Variants in COL12A1 observed in about 807,000 individuals in gnomAD.
COL12A1 encodes collagen alpha-1(XII) chain.
Under a neutral mutation model 349.7 loss-of-function variants are expected in COL12A1, and 114 were observed. That is an observed-to-expected ratio of 0.33 (90% CI 0.28 to 0.38). The LOEUF (loss-of-function observed/expected upper bound fraction) is 0.38. Among genes scored for constraint, COL12A1 ranks in the 10% least tolerant of loss-of-function variants. The probability of loss-of-function intolerance (pLI) is 1.00; values close to 1 mark genes in which losing one functional copy is unlikely to be tolerated. For synonymous variants in COL12A1, 1,369 were observed against 1,329.0 expected, an observed-to-expected ratio of 1.03 and a Z score of -0.66; for missense variants, 3,284 against 3,756.9, an observed-to-expected ratio of 0.87 and a Z score of 3.29.
chr6:75,134,611 A>G (rs926663566), intron 32 of COL12A1, 115 bp downstream of exon 32: 33 of 938,088 alleles, frequency 3.5e-5, no homozygotes, highest in Non-Finnish European at 4.5e-5. Flanking sequence ...TTATTTCTAA[A>G]TGAATTTTTA....
intron 31 of COL12A1, among the ~76,000 whole-genome samples, chr6:75,135,800 G>T (rs1359201725): frequency 6.6e-6 from 1 of 152,108 alleles, no homozygotes; most frequent in East Asian, 1.9e-4. Context: ...TCATATTTGA[G>T]GTTATGAGAG....
intron 2 of COL12A1, among the ~76,000 whole-genome samples, chr6:75,199,270 T>C (rs1770402509): frequency 6.6e-6 from 1 of 152,172 alleles, no homozygotes; most frequent in Admixed American, 6.5e-5. Flanking sequence ...ATTCAGCCTC[T>C]CTGGGCCTCA....
intron 2 of COL12A1, among the ~76,000 whole-genome samples, chr6:75,197,577 G>T (rs1169229003): frequency 2.0e-5 from 3 of 152,044 alleles, no homozygotes; most frequent in African/African-American, 4.8e-5. Flanking sequence ...CTCCCACAGT[G>T]CTGGGATTGT....
intron 32 of COL12A1, 25 bp downstream of exon 32, chr6:75,134,701 C>G (rs754519584): frequency 4.4e-6 from 7 of 1,578,118 alleles, no homozygotes; most frequent in Non-Finnish European, 6.0e-6. Flanking sequence ...ATTAAAGAAG[C>G]TATAGGAACT....
In COL12A1 at chr6:75,130,908, A is replaced by G. The variant is rs1023244422; in HGVS notation, c.6011T>C (p.Leu2004Pro). The G allele has an allele frequency of 8.7e-6, 14 of 1,613,974 alleles. No homozygotes were observed. The highest frequency in any genetic ancestry group is 1.2e-5 in the Non-Finnish European group (14 of 1,179,990). ...LIPDTLYSVNLVALYSDGEGN... is the reference protein window; with the variant it reads ...LIPDTLYSVNPVALYSDGEGN... The stretch of plus-strand genomic sequence containing the variant: ...CTCTCCATCCGAGTACAGAGCCACA[A>G]GGTTCACGGAATAGAGTGTGTCCGG... The change falls in exon 36 of 66, where the codon CTT (leucine) becomes CCT (proline). Residue 2004 changes from leucine to proline, a missense_variant. Physicochemically the swap from Leu to Pro is moderately conservative, Grantham distance 98. Transcript: ENST00000322507.
intron 3 of COL12A1, 124 bp downstream of exon 3, chr6:75,194,707 A>C (rs565961835): frequency 3.5e-6 from 2 of 571,954 alleles, no homozygotes; most frequent in East Asian, 5.7e-5. Flanking sequence ...ATGTCTGGTG[A>C]CATGGATCAA....
chr6:75,122,979 G>C (rs554922260), intron 43 of COL12A1, among the ~76,000 whole-genome samples: 1 of 152,188 alleles, frequency 6.6e-6, no homozygotes, highest in Non-Finnish European at 1.5e-5. Flanking sequence ...GGCTTCGGTC[G>C]CAAATATAGC....
rs1241838152 is a variant in COL12A1, at chr6:75,181,610, T to A, written c.1892-399A>T. ...CTGGTACTTGGATATTAACCTTTGG[T>A]GGTTTGCAGACAAATATTTCAAAGT... is the stretch of plus-strand genomic sequence containing the variant. On this transcript the variant is annotated intron_variant, in intron 10 of 65. Transcript: ENST00000322507. 2.0e-5 allele frequency among the ~76,000 whole-genome samples: 3 copies of A among 152,194 alleles called. 1 individual carries two copies. The highest frequency in any genetic ancestry group is 4.4e-5 in the Non-Finnish European group (3 of 68,038).
chr6:75,158,318 C>T (rs173279), intron 14 of COL12A1, among the ~76,000 whole-genome samples: 3,212 of 152,222 alleles, frequency 0.021, 113 homozygotes, highest in African/African-American at 0.072. Context: ...AGAGCTCTCT[C>T]TCTCTTTCCA....
chr6:75,177,080 A>T (rs1313688399), intron 12 of COL12A1, among the ~76,000 whole-genome samples: 2 of 152,182 alleles, frequency 1.3e-5, no homozygotes, highest in Admixed American at 6.5e-5. Context: ...TTCAATTCAC[A>T]CTAAAACATT....
intron 39 of COL12A1, among the ~76,000 whole-genome samples, chr6:75,126,003 C>A (rs1278871605): frequency 6.6e-6 from 1 of 151,992 alleles, no homozygotes; most frequent in East Asian, 1.9e-4. Context: ...TAAAATAATA[C>A]CTGGGCATAG....
At chr6:75,185,701 A>C (rs182719948) in intron 8 of COL12A1, among the ~76,000 whole-genome samples, 2 of 152,208 alleles carry the variant, frequency 1.3e-5, no homozygotes, top group South Asian at 4.1e-4. Context: ...GGTGCAGGCT[A>C]TCTGACTTCA....
intron 13 of COL12A1, among the ~76,000 whole-genome samples, chr6:75,166,362 T>G (rs1203571093): frequency 6.6e-6 from 1 of 152,162 alleles, no homozygotes; most frequent in Non-Finnish European, 1.5e-5. Context: ...CAATATAGCT[T>G]AACCCTAACA....
chr6:75,136,166 T>C (rs190019702), intron 31 of COL12A1, among the ~76,000 whole-genome samples: 1 of 152,096 alleles, frequency 6.6e-6, no homozygotes, highest in South Asian at 2.1e-4. Context: ...AGAACAAGCT[T>C]CTCCTGATTT....
intron 43 of COL12A1, 62 bp from the exon 44 acceptor site, chr6:75,121,503 C>A: frequency 6.9e-7 from 1 of 1,452,972 alleles, no homozygotes; most frequent in South Asian, 1.5e-5. Flanking sequence ...TAAATGAAAT[C>A]ACATAATTGA....
intron 10 of COL12A1, among the ~76,000 whole-genome samples, chr6:75,182,089 C>T (rs150496761): frequency 0.016 from 1,816 of 112,646 alleles, 39 homozygotes; most frequent in African/African-American, 0.057. Flanking sequence ...GAGTGAGACC[C>T]TGTCTCAAAA....
chr6:75,199,525 A>G (rs528445020), intron 2 of COL12A1, among the ~76,000 whole-genome samples: 1 of 152,286 alleles, frequency 6.6e-6, no homozygotes, highest in South Asian at 2.1e-4. Flanking sequence ...TTTTCAGAAA[A>G]CTTGTATTCA....
At chr6:75,089,045 G>T in intron 64 of COL12A1, 61 bp downstream of exon 64, 1 of 1,182,616 alleles carries the variant, frequency 8.5e-7, no homozygotes, top group East Asian at 2.4e-5. Flanking sequence ...GAATCTCTTC[G>T]GGATGGTGTG....
At chr6:75,179,111 T>C (rs1209182239) in intron 11 of COL12A1, among the ~76,000 whole-genome samples, 1 of 152,230 alleles carries the variant, frequency 6.6e-6, no homozygotes, top group African/African-American at 2.4e-5. Flanking sequence ...GCAGAGCCCC[T>C]GACACATAGC....
Sources: allele counts gnomAD v4.1 joint callset (sites outside exome capture counted in the v4.1 genomes callset), GRCh38; gene constraint gnomAD v4.1.1; transcripts MANE v1.5; gene names NCBI Gene and HGNC (gene_info 2026-07-23, HGNC 2026-07-21).